The following A2ML1 variants were observed in gnomAD, a reference collection of about 807,000 sequenced individuals.
The protein encoded by A2ML1 is alpha-2-macroglobulin like 1.
Under a neutral mutation model 181.9 loss-of-function variants are expected in A2ML1, and 161 were observed. The observed-to-expected ratio is 0.89, with a 90% confidence interval of 0.78 to 1.01. The LOEUF (loss-of-function observed/expected upper bound fraction) is 1.01. Ranked by LOEUF, A2ML1 falls within the 50% of genes least tolerant of loss-of-function variation. The pLI is 0.00. For missense variants in A2ML1, 1,670 were observed against 1,768.1 expected (o/e 0.94, Z 1.00); for synonymous variants, 663 against 666.8 (o/e 0.99, Z 0.09).
downstream of A2ML1, among the ~76,000 whole-genome samples, chr12:8,878,856 C>T (rs998530985): frequency 4.0e-5 from 6 of 151,854 alleles, no homozygotes; most frequent in Admixed American, 6.6e-5. The surrounding 1 kb of genome is among the most constrained non-coding windows in gnomAD (Gnocchi z 4.4). Flanking sequence ...CCAGCTACTC[C>T]GGAGGCTGAG....
chr12:8,824,144 C>A (rs896909810), intron 3 of A2ML1, among the ~76,000 whole-genome samples: 1 of 150,070 alleles, frequency 6.7e-6, no homozygotes, highest in East Asian at 1.9e-4. Context: ...GCAAGTATAA[C>A]TGGGTTGCTG....
chr12:8,880,278 A>G (rs1217981356), downstream of A2ML1, among the ~76,000 whole-genome samples: 1 of 152,160 alleles, frequency 6.6e-6, no homozygotes, highest in Non-Finnish European at 1.5e-5. Flanking sequence ...AGGCATGAGA[A>G]TTGCTTGCAT....
downstream of A2ML1, chr12:8,876,920 T>G (rs937289616): frequency 1.3e-5 from 2 of 152,302 alleles, no homozygotes; most frequent in East Asian, 3.9e-4. Context: ...AGAATCATCT[T>G]AAAGATGTGA....
At chr12:8,845,383 G>T in intron 12 of A2ML1, 59 bp from the exon 13 acceptor site, 2 of 1,572,376 alleles carry the variant, frequency 1.3e-6, no homozygotes, top group Non-Finnish European at 1.7e-6. Context: ...TCTGGAAGTT[G>T]GTCCAAGGTG....
intron 33 of A2ML1, among the ~76,000 whole-genome samples, chr12:8,872,039 C>T (rs757905087): frequency 2.0e-5 from 3 of 152,122 alleles, no homozygotes; most frequent in South Asian, 4.2e-4. Context: ...GTTAGCTGGG[C>T]GTGGTGGCAG....
chr12:8,865,536 G>A (rs557955447), intron 29 of A2ML1, among the ~76,000 whole-genome samples: 25 of 152,120 alleles, frequency 1.6e-4, no homozygotes, highest in Middle Eastern at 3.2e-3. Flanking sequence ...TTAAAACTCC[G>A]TCTCAACAAC....
rs767309974 is a variant in A2ML1, at chr12:8,854,207, A to G, written c.2670A>G (p.Gln890=). 6.2e-7 allele frequency: 1 copy of G among 1,609,944 alleles called. No individual in the cohort carries two copies. Among genetic ancestry groups the G allele is most frequent in the Admixed American group, 1.7e-5 (1 of 59,728 alleles). ...PCGGQKGFVP[Q]KGRSDTLIKP... is the part of the protein sequence containing the mutation. ...GGGGCCAGAAGGGGTTTGTTCCCCA[A>G]AAGGGCCGAAGTGACACGCTCATCA... is the stretch of plus-strand genomic sequence containing the variant. The change falls in exon 21 of 36, where the codon CAA becomes CAG. Residue 890 remains glutamine (Q), a synonymous_variant. Coordinates refer to ENST00000299698, the MANE Select transcript of A2ML1 (RefSeq NM_144670.6).
At chr12:8,868,724 C>CAG in intron 32 of A2ML1, 97 bp downstream of exon 32, 1 of 834,926 alleles carries the variant, frequency 1.2e-6, no homozygotes, top group South Asian at 1.7e-5. Context: ...CGTGTATACA[C>CAG]ACACACACAC....
At position 8,867,922 on chromosome 12, in the gene A2ML1, A is replaced by T. The variant is rs1345033657; in HGVS notation, c.3798A>T (p.Val1266=). The T allele has an allele frequency of 6.2e-7, 1 of 1,614,202 alleles. No homozygotes were observed. The change falls in exon 30 of 36, where the codon GTA becomes GTT. Residue 1266 remains valine (V), a synonymous_variant. Transcript: ENST00000299698. ...YMPSEEINLV[V]KSTENFQRTF... is the part of the protein sequence containing the mutation. ...CATCTGAGGAGATCAACCTGGTTGT[A>T]AAATCCACTGAGAATTTCCAGCGCA...
rs901908537 is a variant in A2ML1 at position 8,847,341 on chromosome 12, A to G, written c.1684-208A>G. Among the ~76,000 whole-genome samples the G allele has an allele frequency of 3.3e-5, 5 of 150,928 alleles. No homozygotes were observed. In the South Asian group the frequency reaches 1.0e-3, roughly 32 times the overall value. Reference sequence around the variant, plus strand: ...ACTTTTTGTCTTCTAAACTTTCTCTATCCTTCTACTGTGCTGCTCACGTTT... The same window carrying G: ...ACTTTTTGTCTTCTAAACTTTCTCTGTCCTTCTACTGTGCTGCTCACGTTT... On this transcript the variant is annotated intron_variant, in intron 14 of 35. Transcript: ENST00000299698.
chr12:8,843,014 T>C, intron 11 of A2ML1, 120 bp from the exon 12 acceptor site: 1 of 849,434 alleles, frequency 1.2e-6, no homozygotes. Flanking sequence ...AATACCCACA[T>C]GCCATTCTCA....
chr12:8,854,957 C>T lies in A2ML1; in HGVS notation c.2764+126C>T, dbSNP rs373431758. 69 of 993,800 alleles carry T rather than the reference C, an allele frequency of 6.9e-5. 1 individual carries two copies. The highest frequency in any genetic ancestry group is 4.7e-4 in the East Asian group (18 of 38,532). The allele number at this position is 993,800 out of a possible 1,614,324, so 61.6% of individuals were successfully genotyped here. A position where few individuals can be genotyped will look rare whatever the true frequency, so the allele number is the denominator to read the frequency against. On this transcript the variant is annotated intron_variant, in intron 22 of 35. Transcript: ENST00000299698. Reference sequence around the variant, plus strand: ...TCGTCCAGGCTGGATTGCAGTGGCACGATTTCAGCTCATTGCAACCTCTGC... The same window carrying T: ...TCGTCCAGGCTGGATTGCAGTGGCATGATTTCAGCTCATTGCAACCTCTGC...
intron 4 of A2ML1, among the ~76,000 whole-genome samples, chr12:8,834,350 C>G (rs1943206243): frequency 6.6e-6 from 1 of 152,138 alleles, no homozygotes; most frequent in Non-Finnish European, 1.5e-5. Flanking sequence ...GGGCATGTTT[C>G]TTGTGCAAGA....
At chr12:8,872,050 G>A (rs777460710) in intron 33 of A2ML1, among the ~76,000 whole-genome samples, 5 of 151,886 alleles carry the variant, frequency 3.3e-5, no homozygotes, top group Non-Finnish European at 5.9e-5. Flanking sequence ...GTGGTGGCAG[G>A]AGCCTGTAGT....
At chr12:8,837,644 G>C in intron 8 of A2ML1, 78 bp downstream of exon 8, 1 of 1,436,388 alleles carries the variant, frequency 7.0e-7, no homozygotes, top group Non-Finnish European at 9.3e-7. Flanking sequence ...CACTTTGGGA[G>C]GCCGAGATGG....
chr12:8,824,788 G>A lies in A2ML1; in HGVS notation c.409+906G>A, dbSNP rs753112857. 9.2e-5 allele frequency among the ~76,000 whole-genome samples: 14 copies of A among 151,446 alleles called. No individual in the cohort carries two copies. In the East Asian group the frequency reaches 1.7e-3, roughly 19 times the overall value. On this transcript the variant is annotated intron_variant, in intron 3 of 35. Coordinates refer to ENST00000299698, the MANE Select transcript of A2ML1 (RefSeq NM_144670.6). ...TTATTATTCTATTCTCTATCTCCACGACTTCAATTGTTTTAATTTTTAGCT... is the reference window on the plus strand; with the variant it reads ...TTATTATTCTATTCTCTATCTCCACAACTTCAATTGTTTTAATTTTTAGCT...
intron 11 of A2ML1, among the ~76,000 whole-genome samples, chr12:8,842,610 G>A (rs1943530269): frequency 6.6e-6 from 1 of 152,166 alleles, no homozygotes; most frequent in East Asian, 1.9e-4. Context: ...CAAGGATGCT[G>A]ATCTCGGAGG....
downstream of A2ML1, among the ~76,000 whole-genome samples, chr12:8,879,850 T>C (rs1004436920): frequency 6.6e-6 from 1 of 152,158 alleles, no homozygotes; most frequent in Non-Finnish European, 1.5e-5. Context: ...TTAGGTGGCA[T>C]TTAGCATTCA....
rs11047499 is a variant in A2ML1 at position 8,835,642 on chromosome 12, G to C, written c.619G>C (p.Gly207Arg). The C allele has an allele frequency of 4.9e-3, 7,888 of 1,614,080 alleles. 335 individuals carry two copies. The African/African-American group carries it at 0.09, about 18-fold the overall frequency. Reference sequence around the variant, plus strand: ...GGCAGTGGCTGAGGGCAAGACCTTTGGTACTTTCAGTGTGGAGGAATATGG... The same window carrying C: ...GGCAGTGGCTGAGGGCAAGACCTTTCGTACTTTCAGTGTGGAGGAATATGG... ...TVAVAEGKTFGTFSVEEYVLP... is the reference protein window; with the variant it reads ...TVAVAEGKTFRTFSVEEYVLP... Residue 207 changes from glycine (G) to arginine (R), a missense_variant, in exon 6 of 36, where the codon GGT (glycine) becomes CGT (arginine). Gly to Arg is a moderately radical substitution (Grantham distance 125). Coordinates refer to ENST00000299698, the MANE Select transcript of A2ML1 (RefSeq NM_144670.6).
Sources: allele counts gnomAD v4.1 joint callset (sites outside exome capture counted in the v4.1 genomes callset), GRCh38; gene constraint gnomAD v4.1.1; non-coding constraint Gnocchi (gnomAD v3.1); transcripts MANE v1.5; gene names NCBI Gene and HGNC (gene_info 2026-07-23, HGNC 2026-07-21).